ZNF567: variants seen among roughly 807,000 people sequenced by gnomAD.
The protein encoded by ZNF567 is zinc finger protein 567.
Under a neutral mutation model 53.9 loss-of-function variants are expected in ZNF567, and 36 were observed. The ratio of observed to expected loss-of-function variants is 0.67; its 90% CI spans 0.51 to 0.88. The LOEUF (loss-of-function observed/expected upper bound fraction) is 0.88. Ranked by LOEUF, ZNF567 falls within the 40% of genes least tolerant of loss-of-function variation. The probability of loss-of-function intolerance (pLI) is 0.00; values close to 1 mark genes in which losing one functional copy is unlikely to be tolerated. For missense variants in ZNF567, 619 were observed against 764.7 expected, an observed-to-expected ratio of 0.81 and a Z score of 2.25; for synonymous variants, 224 against 260.4, an observed-to-expected ratio of 0.86 and a Z score of 1.35.
intron 3 of ZNF567, among the ~76,000 whole-genome samples, chr19:36,697,465 C>G (rs150630120): frequency 1.9e-4 from 29 of 152,048 alleles, no homozygotes; most frequent in African/African-American, 6.5e-4. Context: ...TCATTTCTGT[C>G]TTTCCTTACT....
intron 5 of ZNF567, among the ~76,000 whole-genome samples, chr19:36,718,012 C>T (rs528311627): frequency 1.2e-4 from 19 of 152,194 alleles, no homozygotes; most frequent in Admixed American, 9.2e-4. Flanking sequence ...AAGTTGCTAT[C>T]GGAAGTATTT....
Position 36,687,614 on chromosome 19 carries a change from A to C in ZNF567, c.-188A>C, listed in dbSNP as rs1300292609. ...TCCGCGTGGGAGTGCGCATGCGCAG[A>C]CGCCCGGCCGGCAACCGAAGGTGAG... On this transcript the variant is annotated 5_prime_UTR_variant, in exon 1 of 6. Coordinates refer to ENST00000682579, the MANE Select transcript of ZNF567 (RefSeq NM_001322917.1). 1 of 152,420 alleles carries C rather than the reference A, an allele frequency of 6.6e-6. No homozygotes were observed. Among genetic ancestry groups the C allele is most frequent in the Non-Finnish European group, 1.5e-5 (1 of 68,196 alleles). 9.4% of individuals were successfully genotyped at this position (152,420 alleles called of 1,614,324 possible).
At chr19:36,694,669 A>G (rs2038786479) in intron 2 of ZNF567, 133 bp from the exon 3 acceptor site, 1 of 507,604 alleles carries the variant, frequency 2.0e-6, no homozygotes, top group South Asian at 3.3e-5. Flanking sequence ...TGTCCCATCT[A>G]TATTTATGTG....
chr19:36,723,386 A>G (rs551243652), downstream of ZNF567: 38 of 623,842 alleles, frequency 6.1e-5, no homozygotes, highest in African/African-American at 6.2e-4. Context: ...TTTACTGATT[A>G]TCATGAAATA....
intron 3 of ZNF567, among the ~76,000 whole-genome samples, chr19:36,697,800 C>T (rs1011461884): frequency 5.9e-5 from 9 of 151,688 alleles, no homozygotes; most frequent in African/African-American, 1.2e-4. Flanking sequence ...TTAGTAGAGA[C>T]AGCATTTCAC....
chr19:36,723,516 G>C (rs750172544), downstream of ZNF567, among the ~76,000 whole-genome samples: 8 of 151,998 alleles, frequency 5.3e-5, no homozygotes, highest in Non-Finnish European at 1.2e-4. Context: ...AGATATTAAC[G>C]GGCAGTTTTA....
chr19:36,723,275 T>C, downstream of ZNF567: 1 of 701,620 alleles, frequency 1.4e-6, no homozygotes, highest in East Asian at 2.7e-5. Context: ...CTCTGGGACA[T>C]TCTACTCCCC....
chr19:36,674,830 T>G, the ZNF567 span, among the ~76,000 whole-genome samples: 1 of 152,082 alleles, frequency 6.6e-6, no homozygotes, highest in African/African-American at 2.4e-5. Context: ...CTCTGCTCAC[T>G]GCAACTTCTT....
chr19:36,681,556 A>G, the ZNF567 span, among the ~76,000 whole-genome samples: 1 of 151,934 alleles, frequency 6.6e-6, no homozygotes, highest in East Asian at 1.9e-4. Context: ...CAGCCTCCCA[A>G]GTATCTGGGA....
intron 5 of ZNF567, 65 bp downstream of exon 5, chr19:36,712,932 G>A: frequency 1.6e-6 from 2 of 1,268,536 alleles, no homozygotes; most frequent in Non-Finnish European, 2.2e-6. Context: ...GTCAAGTGGG[G>A]GTGATACCTT....
chr19:36,689,242 T>A (rs1234611154), intron 1 of ZNF567, among the ~76,000 whole-genome samples, 155 bp from the exon 2 acceptor site: 30 of 101,282 alleles, frequency 3.0e-4, no homozygotes, highest in African/African-American at 4.5e-4. Context: ...TGAGAGTGTG[T>A]GTGTGTGTGT....
intron 5 of ZNF567, among the ~76,000 whole-genome samples, chr19:36,718,132 C>G (rs1224325321): frequency 6.6e-6 from 1 of 152,060 alleles, no homozygotes; most frequent in African/African-American, 2.4e-5. Flanking sequence ...TCAATGTTGA[C>G]TACATAGAAA....
chr19:36,668,929 A>G, the ZNF567 span: 2 of 152,182 alleles, frequency 1.3e-5, no homozygotes, highest in African/African-American at 4.8e-5. Flanking sequence ...TGTGGATTCA[A>G]CAAACCTTCA....
chr19:36,696,363 G>C (rs1054131389), intron 3 of ZNF567, among the ~76,000 whole-genome samples: 1 of 152,108 alleles, frequency 6.6e-6, no homozygotes, highest in Non-Finnish European at 1.5e-5. Context: ...TGCTGCTCAA[G>C]TAATTTTGAT....
At chr19:36,716,749 T>C (rs1337195845) in intron 5 of ZNF567, among the ~76,000 whole-genome samples, 2 of 152,244 alleles carry the variant, frequency 1.3e-5, no homozygotes, top group Non-Finnish European at 2.9e-5. Flanking sequence ...TACCTACTCA[T>C]GCTGTGTCCC....
In ZNF567 at chr19:36,719,456, AAGAGCAACCAATATTG is replaced by A. The variant is rs1275297638; in HGVS notation, c.734_749del (p.Arg245LysfsTer19). The A allele has an allele frequency of 1.4e-5, 23 of 1,610,456 alleles. No individual in the cohort carries two copies. Among genetic ancestry groups the A allele is most frequent in the Non-Finnish European group, 2.0e-5 (23 of 1,179,282 alleles). On this transcript the variant is annotated frameshift_variant, in exon 6 of 6. Transcript: ENST00000682579. LOFTEE classifies it high-confidence loss of function. ...ACCCATCTGTATATAATAAAAAAAGAAGAGCAACCAATATTGAAAAAAAACATACATGCAATGAATG... is the reference window on the plus strand; with the variant it reads ...ACCCATCTGTATATAATAAAAAAAGAAAAAAAAACATACATGCAATGAATG...
In ZNF567 at chr19:36,720,126, C is replaced by T. The variant is rs561071751; in HGVS notation, c.1402C>T (p.Gln468Ter). The T allele has an allele frequency of 6.2e-7, 1 of 1,614,038 alleles. No individual in the cohort carries two copies. The highest frequency in any genetic ancestry group is 1.1e-5 in the South Asian group (1 of 91,068). The change falls in exon 6 of 6, where the codon CAG becomes TAG. Residue 468 changes from glutamine to a stop codon, truncating the protein, a stop_gained. Transcript: ENST00000682579. LOFTEE classifies it high-confidence loss of function. The part of the protein sequence containing the change: ...FRQKTTLVAH[Q>*]RTHTGEKSYE... ...CCAGAAGACAACCCTTGTAGCACAT[C>T]AGAGAACACATACAGGGGAGAAATC...
At chr19:36,714,100 T>C (rs2039923865) in intron 5 of ZNF567, among the ~76,000 whole-genome samples, 1 of 152,220 alleles carries the variant, frequency 6.6e-6, no homozygotes. Context: ...TCTCAGTCCT[T>C]ATCTTGCCAT....
In ZNF567 at chr19:36,721,276, T is replaced by G. The variant is rs917995873; in HGVS notation, c.*608T>G. The G allele has an allele frequency of 1.3e-5, 2 of 152,226 alleles. No homozygotes were observed. The highest frequency in any genetic ancestry group is 4.8e-5 in the African/African-American group (2 of 41,470). The allele number at this position is 152,226 out of a possible 1,614,324, so 9.4% of individuals were successfully genotyped here. On this transcript the variant is annotated 3_prime_UTR_variant, in exon 6 of 6. Transcript: ENST00000682579. The stretch of plus-strand genomic sequence containing the variant: ...TATTGCTGTTTATCCTATTGATGGA[T>G]ATTTGTATTTTTTATACTTTTGTGT...
Sources: gnomAD v4.1 joint callset for allele counts (sites outside exome capture counted in the v4.1 genomes callset) on GRCh38, gnomAD v4.1.1 for gene constraint, MANE v1.5 for transcripts, NCBI Gene and HGNC (gene_info 2026-07-23, HGNC 2026-07-21) for gene names.